The following PCDH15 variants were observed in gnomAD, a reference collection of about 807,000 sequenced individuals.
PCDH15 encodes protocadherin related 15.
PCDH15 carries 129 observed loss-of-function variants against 178.5 expected under a neutral mutation model. The ratio of observed to expected loss-of-function variants is 0.72; its 90% CI spans 0.63 to 0.84. PCDH15 has a LOEUF of 0.84. PCDH15 is among the 40% of genes least tolerant of loss of function. The probability of loss-of-function intolerance (pLI) is 0.00; values close to 1 mark genes in which losing one functional copy is unlikely to be tolerated. For synonymous variants in PCDH15, 800 were observed against 732.0 expected (o/e 1.09, Z -1.50); for missense variants, 2,230 against 2,099.9 (o/e 1.06, Z -1.21).
At chr10:54,499,975 C>G (rs1475505612) in intron 3 of PCDH15, among the ~76,000 whole-genome samples, 1 of 152,036 alleles carries the variant, frequency 6.6e-6, no homozygotes, top group African/African-American at 2.4e-5. Flanking sequence ...AATCTTTCTA[C>G]CAAAAAGACA....
At chr10:54,101,048 G>A (rs188173767) in intron 15 of PCDH15, among the ~76,000 whole-genome samples, 16 of 152,238 alleles carry the variant, frequency 1.1e-4, no homozygotes, top group African/African-American at 3.6e-4. Context: ...TAATTCCCAC[G>A]TGTTGTGGGA....
At chr10:54,006,601 T>C (rs1351009147) in intron 20 of PCDH15, among the ~76,000 whole-genome samples, 1 of 152,194 alleles carries the variant, frequency 6.6e-6, no homozygotes, top group Non-Finnish European at 1.5e-5. Flanking sequence ...AACACTGTCA[T>C]GATGGAGCAT....
At chr10:54,124,026 G>A (rs1421969458) in intron 15 of PCDH15, among the ~76,000 whole-genome samples, 1 of 152,118 alleles carries the variant, frequency 6.6e-6, no homozygotes, top group Non-Finnish European at 1.5e-5. Context: ...AGGGAGCGTA[G>A]CAAGGCTGGA....
rs549806428 is a variant in PCDH15, at chr10:54,417,109, G to A, written c.158-38167C>T. Among the ~76,000 whole-genome samples the A allele has an allele frequency of 1.8e-4, 28 of 152,118 alleles. 2 individuals carry two copies. In the South Asian group the frequency reaches 5.8e-3, roughly 32 times the overall value. ...TTCACCATGTTTCCCAGGCTGGTCT[G>A]GAATTCCTGGGCTCAAGTGATCCAC... is the stretch of plus-strand genomic sequence containing the variant. On this transcript the variant is annotated intron_variant, in intron 3 of 37. Transcript: ENST00000644397.
intron 25 of PCDH15, among the ~76,000 whole-genome samples, chr10:53,930,301 A>G (rs1334108856): frequency 6.6e-6 from 1 of 151,214 alleles, no homozygotes; most frequent in East Asian, 2.0e-4. Flanking sequence ...TACTACAAAT[A>G]AAAAAAATTA....
intron 3 of PCDH15, among the ~76,000 whole-genome samples, chr10:54,521,463 A>G (rs185499822): frequency 6.6e-6 from 1 of 152,346 alleles, no homozygotes; most frequent in Non-Finnish European, 1.5e-5. Flanking sequence ...AATATATTCA[A>G]TAAAGAAGAT....
At chr10:55,296,594 G>C (rs1487435765) in intron 1 of PCDH15, among the ~76,000 whole-genome samples, 2 of 152,080 alleles carry the variant, frequency 1.3e-5, no homozygotes, top group Non-Finnish European at 2.9e-5. Context: ...AAGTTATAAG[G>C]GTTTTAGAAG....
intron 2 of PCDH15, among the ~76,000 whole-genome samples, chr10:55,090,493 T>C (rs947041093): frequency 1.3e-5 from 2 of 152,020 alleles, no homozygotes; most frequent in Non-Finnish European, 2.9e-5. Context: ...GGTAAAATTG[T>C]TGTGGCTGTA....
intron 29 of PCDH15, among the ~76,000 whole-genome samples, chr10:53,839,028 C>A (rs983520790): frequency 6.6e-6 from 1 of 151,734 alleles, no homozygotes; most frequent in Non-Finnish European, 1.5e-5. Context: ...CATGGTAAAA[C>A]CCCGTCTCTA....
intron 2 of PCDH15, among the ~76,000 whole-genome samples, chr10:55,528,215 ATTATTTAT>A (rs199845276): frequency 1.3e-5 from 2 of 151,280 alleles, no homozygotes; most frequent in East Asian, 1.9e-4. Flanking sequence ...TTTTTATTTT[ATTATTTAT>A]TTATTTATTT....
intron 25 of PCDH15, among the ~76,000 whole-genome samples, chr10:53,937,993 T>A (rs1453505922): frequency 6.6e-6 from 1 of 152,136 alleles, no homozygotes; most frequent in Non-Finnish European, 1.5e-5. Context: ...TTATCTTGAG[T>A]CTTCTAGATT....
At chr10:55,478,338 A>C (rs752998582) in intron 2 of PCDH15, among the ~76,000 whole-genome samples, 29 of 151,728 alleles carry the variant, frequency 1.9e-4, no homozygotes, top group Non-Finnish European at 3.7e-4. Flanking sequence ...ATATTTAAAA[A>C]ACATTCCATC....
Position 54,195,683 on chromosome 10 carries a change from A to G in PCDH15, c.1305T>C (p.Asp435=), listed in dbSNP as rs373441750. The change falls in exon 11 of 38, where the codon GAT becomes GAC. Residue 435 remains aspartate, a splice_region_variant and synonymous_variant. Coordinates refer to ENST00000644397, the MANE Select transcript of PCDH15 (RefSeq NM_001384140.1). The part of the protein sequence containing the change: ...RIVALDKDIE[D]TKDPELHLFL... ...AGAGCAAAATATGTATTTAACTTAC[A>G]TCTTCTATGTCCTTGTCCAGAGCTA... 11 of 1,611,384 alleles carry G rather than the reference A, an allele frequency of 6.8e-6. No individual in the cohort carries two copies. Among genetic ancestry groups the G allele is most frequent in the South Asian group, 1.1e-5 (1 of 91,008 alleles).
chr10:54,155,545 C>T (rs898639435), intron 13 of PCDH15, among the ~76,000 whole-genome samples: 1 of 151,990 alleles, frequency 6.6e-6, no homozygotes, highest in African/African-American at 2.4e-5. Context: ...AATTTGTTTG[C>T]ATGTATGCTA....
chr10:55,321,782 G>T (rs1843909615), upstream of PCDH15, among the ~76,000 whole-genome samples: 1 of 152,076 alleles, frequency 6.6e-6, no homozygotes, highest in Non-Finnish European at 1.5e-5. Flanking sequence ...GAAGAAAGAA[G>T]ATTATTTTCA....
At position 53,953,233 on chromosome 10, in the gene PCDH15, T is replaced by C. The variant is rs79840225; in HGVS notation, c.3122+6499A>G. On this transcript the variant is annotated intron_variant, in intron 23 of 37. Transcript: ENST00000644397. The stretch of plus-strand genomic sequence containing the variant: ...TGAAGAGATATATATTTCAAAAGTT[T>C]TAAGAAGAACTCATTGTTTTCTGGA... Among the ~76,000 whole-genome samples the C allele has an allele frequency of 2.2e-3, 340 of 152,350 alleles. 3 individuals carry two copies. Among genetic ancestry groups the C allele is most frequent in the East Asian group, 0.013 (70 of 5,186 alleles).
chr10:55,322,606 C>T (rs952836431), upstream of PCDH15, among the ~76,000 whole-genome samples: 7 of 152,028 alleles, frequency 4.6e-5, no homozygotes, highest in Non-Finnish European at 8.8e-5. Flanking sequence ...AGATGAGGAA[C>T]TTGTTGAACT....
chr10:54,776,468 C>T (rs1265073848), intron 1 of PCDH15, among the ~76,000 whole-genome samples: 1 of 151,814 alleles, frequency 6.6e-6, no homozygotes, highest in African/African-American at 2.4e-5. Context: ...GCAGTTCATA[C>T]CTGTAGCCTC....
chr10:53,858,168 T>G (rs569537426), intron 27 of PCDH15, among the ~76,000 whole-genome samples: 1 of 152,302 alleles, frequency 6.6e-6, no homozygotes, highest in Admixed American at 6.5e-5. Flanking sequence ...TATACACTAT[T>G]AAAATATAAA....
Sources: allele counts gnomAD v4.1 joint callset (sites outside exome capture counted in the v4.1 genomes callset), GRCh38; gene constraint gnomAD v4.1.1; transcripts MANE v1.5; gene names NCBI Gene and HGNC (gene_info 2026-07-23, HGNC 2026-07-21).